SPATA31H1: variants seen among roughly 807,000 people sequenced by gnomAD.
SPATA31H1 encodes SPATA31 subfamily H member 1.
At chr2:27,537,822 G>T in the SPATA31H1 span, among the ~76,000 whole-genome samples, 1 of 152,164 alleles carries the variant, frequency 6.6e-6, no homozygotes, top group Admixed American at 6.5e-5. Flanking sequence ...ACTGGAAAGA[G>T]AATGTGATTA....
At chr2:27,576,680 G>T in the SPATA31H1 span, 1 of 1,614,044 alleles carries the variant, frequency 6.2e-7, no homozygotes, top group Non-Finnish European at 8.5e-7. Context: ...CAACTAGGAA[G>T]TTCCCATCAG....
the SPATA31H1 span, chr2:27,565,202 T>G: frequency 1.6e-6 from 1 of 616,568 alleles, no homozygotes; most frequent in African/African-American, 1.9e-5. Context: ...CATGTGGTTA[T>G]GGATGCCAAC....
At chr2:27,545,651 C>T in the SPATA31H1 span, among the ~76,000 whole-genome samples, 2 of 149,812 alleles carry the variant, frequency 1.3e-5, no homozygotes, top group Non-Finnish European at 3.0e-5. Flanking sequence ...TCTTGGTTCA[C>T]GCAACCTCTG....
At chr2:27,567,431 C>T in the SPATA31H1 span, 5 of 447,982 alleles carry the variant, frequency 1.1e-5, no homozygotes, top group Non-Finnish European at 2.0e-5. Context: ...TATCTATGCC[C>T]ATTCATCAAA....
At chr2:27,580,977 G>T in the SPATA31H1 span, 1 of 1,614,122 alleles carries the variant, frequency 6.2e-7, no homozygotes, top group Non-Finnish European at 8.5e-7. Flanking sequence ...TTTCCAAACT[G>T]CCTCAGTGGG....
the SPATA31H1 span, among the ~76,000 whole-genome samples, chr2:27,537,773 G>A: frequency 6.6e-6 from 1 of 152,262 alleles, no homozygotes; most frequent in African/African-American, 2.4e-5. Flanking sequence ...CCATTCTCTA[G>A]GAGCTCGAGG....
the SPATA31H1 span, chr2:27,567,006 G>A: frequency 6.6e-4 from 473 of 717,528 alleles, 2 homozygotes; most frequent in East Asian, 0.011. Context: ...CAGGAACCAA[G>A]GCAGAACCCT....
the SPATA31H1 span, chr2:27,580,386 A>G: frequency 6.2e-7 from 1 of 1,614,180 alleles, no homozygotes; most frequent in South Asian, 1.1e-5. Context: ...AAGCACTCAG[A>G]ATGAAAAACG....
chr2:27,547,259 C>T, the SPATA31H1 span, among the ~76,000 whole-genome samples: 5 of 151,508 alleles, frequency 3.3e-5, no homozygotes, highest in African/African-American at 7.3e-5. Context: ...CTGCAACTTC[C>T]GCCTTCCAGG....
the SPATA31H1 span, chr2:27,582,087 C>T: frequency 1.2e-6 from 2 of 1,612,752 alleles, no homozygotes; most frequent in East Asian, 2.2e-5. Context: ...GAGGAGCCAT[C>T]GTAGGATTTC....
chr2:27,582,269 G>A, the SPATA31H1 span: 1 of 1,613,536 alleles, frequency 6.2e-7, no homozygotes, highest in Admixed American at 1.7e-5. Flanking sequence ...CCTCTGAGAG[G>A]AGCCATCGCA....
At chr2:27,581,228 T>C in the SPATA31H1 span, 1 of 1,614,154 alleles carries the variant, frequency 6.2e-7, no homozygotes, top group African/African-American at 1.3e-5. Flanking sequence ...CCCCACGCGG[T>C]CCTTCTGAGA....
chr2:27,550,141 C>A, the SPATA31H1 span, among the ~76,000 whole-genome samples: 1 of 151,542 alleles, frequency 6.6e-6, no homozygotes, highest in Non-Finnish European at 1.5e-5. Context: ...CTTTCTGATT[C>A]TTATACCTTT....
At chr2:27,540,681 C>T in the SPATA31H1 span, among the ~76,000 whole-genome samples, 7 of 139,010 alleles carry the variant, frequency 5.0e-5, no homozygotes, top group Non-Finnish European at 7.9e-5. Context: ...ACGGGGCGGC[C>T]GGGCAGAGAC....
At chr2:27,571,639 C>T in the SPATA31H1 span, 30 of 398,468 alleles carry the variant, frequency 7.5e-5, 1 homozygote, top group South Asian at 3.8e-4. Context: ...TCTATGGAGA[C>T]GCTTCAAAGG....
chr2:27,578,789 C>A, the SPATA31H1 span: 4 of 1,614,144 alleles, frequency 2.5e-6, no homozygotes, highest in Middle Eastern at 1.6e-4. Context: ...CAACCACACT[C>A]ATTTCAAGCT....
chr2:27,549,327 T>C, the SPATA31H1 span, among the ~76,000 whole-genome samples: 1 of 151,658 alleles, frequency 6.6e-6, no homozygotes, highest in African/African-American at 2.4e-5. Context: ...TAAATGTCAT[T>C]TTCTTTTATT....
At chr2:27,569,267 G>T in the SPATA31H1 span, 1 of 398,970 alleles carries the variant, frequency 2.5e-6, no homozygotes, top group Non-Finnish European at 4.4e-6. Flanking sequence ...CCCATGATAT[G>T]AAGTTTGTTT....
the SPATA31H1 span, chr2:27,580,020 C>T: frequency 1.2e-6 from 2 of 1,614,188 alleles, no homozygotes; most frequent in Non-Finnish European, 8.5e-7. Context: ...CTATCCACAG[C>T]TCCACCTTGT....
Sources: gnomAD v4.1 joint callset for allele counts (sites outside exome capture counted in the v4.1 genomes callset) on GRCh38, gnomAD v4.1.1 for gene constraint, MANE v1.5 for transcripts, NCBI Gene and HGNC (gene_info 2026-07-23, HGNC 2026-07-21) for gene names.